RARB: variants seen among roughly 807,000 people sequenced by gnomAD.
The protein encoded by RARB is retinoic acid receptor beta, also known as HBV-activated protein.
RARB carries 17 observed loss-of-function variants against 51.9 expected under a neutral mutation model. The observed-to-expected ratio is 0.33, with a 90% CI of 0.22 to 0.49. The LOEUF (loss-of-function observed/expected upper bound fraction) is 0.49, where lower values mean the gene tolerates loss of function less well. Ranked by LOEUF, RARB falls within the 20% of genes least tolerant of loss-of-function variation. RARB has a pLI of 0.99. For synonymous variants in RARB, 215 were observed against 195.4 expected, an observed-to-expected ratio of 1.10 and a Z score of -0.84; for missense variants, 369 against 550.8, an observed-to-expected ratio of 0.67 and a Z score of 3.30.
intron 4 of RARB, among the ~76,000 whole-genome samples, chr3:25,132,497 T>C (rs80229740): frequency 0.017 from 2,642 of 151,990 alleles, 40 homozygotes; most frequent in East Asian, 0.056. Flanking sequence ...TGAGAATCCT[T>C]ATTATATGCT....
intron 5 of RARB, among the ~76,000 whole-genome samples, chr3:25,404,822 TC>T (rs1193233474): frequency 6.6e-6 from 1 of 152,204 alleles, no homozygotes; most frequent in Admixed American, 6.5e-5. Context: ...ACCAAACTCC[TC>T]TTTATACCTA....
intron 3 of RARB, among the ~76,000 whole-genome samples, chr3:25,527,680 G>A (rs1363701050): frequency 1.3e-5 from 2 of 152,156 alleles, no homozygotes; most frequent in Non-Finnish European, 2.9e-5. Flanking sequence ...ATGTTTTAAG[G>A]TAAAAAGGGT....
chr3:25,511,197 A>C (rs577071824), intron 3 of RARB, among the ~76,000 whole-genome samples: 1 of 151,914 alleles, frequency 6.6e-6, no homozygotes, highest in African/African-American at 2.4e-5. Context: ...CAGTGGCACG[A>C]TCTCGGCTCA....
intron 5 of RARB, among the ~76,000 whole-genome samples, chr3:25,278,418 T>C (rs913984506): frequency 2.0e-5 from 3 of 152,222 alleles, no homozygotes; most frequent in African/African-American, 7.2e-5. Context: ...AAATATTCTC[T>C]AGCCACTTTC....
At position 25,461,351 on chromosome 3, in the gene RARB, C is replaced by T; in HGVS notation, c.306+10C>T. The T allele has an allele frequency of 6.2e-7, 1 of 1,612,412 alleles. No homozygotes were observed. The highest frequency in any genetic ancestry group is 8.5e-7 in the Non-Finnish European group (1 of 1,179,394). On this transcript the variant is annotated intron_variant, in intron 2 of 7. Coordinates refer to ENST00000330688, the MANE Select transcript of RARB (RefSeq NM_000965.5). ...CTGTGAGGGATGTAAGGTGAGTATT[C>T]ACACTTCTGTGCCTGATGAACTCTC...
At chr3:25,411,998 C>T (rs1360043467) in intron 5 of RARB, among the ~76,000 whole-genome samples, 4 of 152,188 alleles carry the variant, frequency 2.6e-5, no homozygotes, top group Admixed American at 6.5e-5. Context: ...ATCACCCATT[C>T]TGATTTTAAA....
chr3:25,542,953 C>G (rs1308961319), intron 3 of RARB, among the ~76,000 whole-genome samples: 2 of 152,216 alleles, frequency 1.3e-5, no homozygotes, highest in African/African-American at 4.8e-5. Flanking sequence ...ATTCCCAAGC[C>G]TGTGCTCTTA....
At chr3:25,372,731 T>A (rs1706338590) in intron 5 of RARB, among the ~76,000 whole-genome samples, 1 of 152,098 alleles carries the variant, frequency 6.6e-6, no homozygotes, top group Non-Finnish European at 1.5e-5. Context: ...GAGGCCAAGG[T>A]GGGAGAATCA....
chr3:25,461,493 C>G (rs1695179178), intron 2 of RARB, 152 bp downstream of exon 2: 3 of 908,606 alleles, frequency 3.3e-6, no homozygotes, highest in Non-Finnish European at 4.8e-6. Context: ...TTATTACTTC[C>G]TTATATATCT....
intron 3 of RARB, among the ~76,000 whole-genome samples, chr3:25,541,605 CA>C (rs1273467005): frequency 6.6e-6 from 1 of 152,176 alleles, no homozygotes; most frequent in Non-Finnish European, 1.5e-5. Context: ...CCCTGACAGT[CA>C]AAAAGGGAGA....
intron 5 of RARB, among the ~76,000 whole-genome samples, chr3:25,390,316 G>T (rs773158233): frequency 7.2e-5 from 11 of 152,210 alleles, no homozygotes; most frequent in Non-Finnish European, 1.6e-4. Context: ...GAAGCTTGTG[G>T]ACCTTTTCTA....
At chr3:25,078,349 C>T (rs1698917312) in intron 3 of RARB, among the ~76,000 whole-genome samples, 1 of 152,090 alleles carries the variant, frequency 6.6e-6, no homozygotes, top group South Asian at 2.1e-4. Flanking sequence ...TTTTGCAATA[C>T]TATCTGATGA....
intron 2 of RARB, among the ~76,000 whole-genome samples, chr3:24,953,772 A>G (rs1695949989): frequency 6.6e-6 from 1 of 151,874 alleles, no homozygotes; most frequent in African/African-American, 2.4e-5. Context: ...ACGTTCCCCT[A>G]CTCTTCCAAA....
chr3:25,585,613 G>C (rs1701352890), intron 5 of RARB, among the ~76,000 whole-genome samples: 1 of 152,220 alleles, frequency 6.6e-6, no homozygotes, highest in African/African-American at 2.4e-5. Context: ...GATGGGGAAA[G>C]CTGGTATGCC....
intron 5 of RARB, among the ~76,000 whole-genome samples, chr3:25,219,469 TTG>T: frequency 6.6e-6 from 1 of 152,326 alleles, no homozygotes; most frequent in South Asian, 2.1e-4. Flanking sequence ...TAACTTATTG[TTG>T]TGGTCAAAAA....
Position 25,391,218 on chromosome 3 carries a change from C to T in RARB, c.179-69975C>T, listed in dbSNP as rs141754016. Among the ~76,000 whole-genome samples the T allele has an allele frequency of 5.5e-4, 83 of 152,206 alleles. 1 individual carries two copies. In the East Asian group the frequency reaches 0.015, roughly 28 times the overall value. On this transcript the variant is annotated intron_variant, in intron 5 of 11. Transcript: ENST00000383772. ...AACTCCATCCAGGTTTCTGTAAATGCCATTATTTCATTCCTTTTTTATGGC... is the reference window on the plus strand; with the variant it reads ...AACTCCATCCAGGTTTCTGTAAATGTCATTATTTCATTCCTTTTTTATGGC...
At chr3:25,352,756 A>T (rs907393790) in intron 5 of RARB, among the ~76,000 whole-genome samples, 3 of 152,134 alleles carry the variant, frequency 2.0e-5, no homozygotes, top group Non-Finnish European at 4.4e-5. Context: ...TACTGCATCC[A>T]TTTCAGGAAT....
At chr3:25,056,863 T>G (rs1423964108) in intron 2 of RARB, among the ~76,000 whole-genome samples, 1 of 152,106 alleles carries the variant, frequency 6.6e-6, no homozygotes, top group African/African-American at 2.4e-5. Context: ...TTAGAATCAT[T>G]AGAGAAAAAA....
chr3:25,329,956 G>T (rs1220338913), intron 5 of RARB, among the ~76,000 whole-genome samples: 1 of 152,010 alleles, frequency 6.6e-6, no homozygotes, highest in Non-Finnish European at 1.5e-5. Flanking sequence ...GAGAAGAGAA[G>T]TTTAGAGAAA....
Sources: allele counts gnomAD v4.1 joint callset (sites outside exome capture counted in the v4.1 genomes callset), GRCh38; gene constraint gnomAD v4.1.1; transcripts MANE v1.5; gene names NCBI Gene and HGNC (gene_info 2026-07-23, HGNC 2026-07-21).